The following ONECUT2 variants were observed in gnomAD, a reference collection of about 807,000 sequenced individuals.
ONECUT2 encodes one cut domain family member 2.
A neutral mutation model predicts 27.9 loss-of-function variants in ONECUT2; 10 were observed. The ratio of observed to expected loss-of-function variants is 0.36; its 90% CI spans 0.22 to 0.61. ONECUT2 has a LOEUF of 0.61. Among genes scored for constraint, ONECUT2 ranks in the 20% least tolerant of loss-of-function variants. The probability of loss-of-function intolerance (pLI) is 0.73; values close to 1 mark genes in which losing one functional copy is unlikely to be tolerated. For missense variants in ONECUT2, 686 were observed against 721.0 expected (o/e 0.95, Z 0.56); for synonymous variants, 334 against 315.1 (o/e 1.06, Z -0.64).
In ONECUT2 at chr18:57,485,739, A is replaced by G. The variant is rs2050434755; in HGVS notation, c.*9016A>G. 6.6e-6 allele frequency: 1 copy of G among 152,240 alleles called. No individual in the cohort carries two copies. The highest frequency in any genetic ancestry group is 6.5e-5 in the Admixed American group (1 of 15,284). The allele number at this position is 152,240 out of a possible 1,614,324, so 9.4% of individuals were successfully genotyped here. On this transcript the variant is annotated 3_prime_UTR_variant, in exon 2 of 2. Coordinates refer to ENST00000491143, the MANE Select transcript of ONECUT2 (RefSeq NM_004852.3). ...ACCAATCAACTCATCAGTTCCATGC[A>G]TCAACAAAGCATAGCTAGTAGAGGA...
intron 1 of ONECUT2, among the ~76,000 whole-genome samples, chr18:57,449,203 C>T (rs2050216443): frequency 6.6e-6 from 1 of 152,164 alleles, no homozygotes; most frequent in South Asian, 2.1e-4. Flanking sequence ...ACCATCCCTC[C>T]CTTTGCATTT....
intron 1 of ONECUT2, among the ~76,000 whole-genome samples, chr18:57,473,441 A>G (rs1015489933): frequency 1.3e-5 from 2 of 152,228 alleles, no homozygotes; most frequent in African/African-American, 4.8e-5. Context: ...AAGCCTCTCT[A>G]GAATTGAACA....
At chr18:57,471,394 C>G (rs2050352871) in intron 1 of ONECUT2, among the ~76,000 whole-genome samples, 1 of 152,210 alleles carries the variant, frequency 6.6e-6, no homozygotes, top group Admixed American at 6.5e-5. Flanking sequence ...GAGACATTCT[C>G]TCTCTCCAGG....
At chr18:57,440,867 T>C (rs543858312) in intron 1 of ONECUT2, among the ~76,000 whole-genome samples, 2 of 152,158 alleles carry the variant, frequency 1.3e-5, no homozygotes, top group African/African-American at 2.4e-5. Context: ...GCGGTTTAGT[T>C]AGGGATCAGA....
At chr18:57,437,297 A>G (rs2050148309) in intron 1 of ONECUT2, among the ~76,000 whole-genome samples, 1 of 151,706 alleles carries the variant, frequency 6.6e-6, no homozygotes, top group African/African-American at 2.4e-5. Flanking sequence ...GTTTTCCTCT[A>G]GGAGCCCTGT....
rs1166249596 is a variant in ONECUT2 at position 57,435,420 on chromosome 18, C to A, written c.-297C>A. Reference sequence around the variant, plus strand: ...CGCTCACCCAAACAGAAGACGTCGGCGCCGGAGCGGGCTCGGACATGGCGA... The same window carrying A: ...CGCTCACCCAAACAGAAGACGTCGGAGCCGGAGCGGGCTCGGACATGGCGA... On this transcript the variant is annotated 5_prime_UTR_variant, in exon 1 of 2. Transcript: ENST00000491143. 6.6e-6 allele frequency among the ~76,000 whole-genome samples: 1 copy of A among 151,760 alleles called. No homozygotes were observed. Among genetic ancestry groups the A allele is most frequent in the South Asian group, 2.1e-4 (1 of 4,822 alleles).
intron 1 of ONECUT2, among the ~76,000 whole-genome samples, chr18:57,456,933 A>AT (rs1262657326): frequency 6.6e-6 from 1 of 152,172 alleles, no homozygotes; most frequent in Non-Finnish European, 1.5e-5. Flanking sequence ...AGGCCCATCA[A>AT]TGTCCTCACT....
Position 57,486,878 on chromosome 18 carries a change from G to C in ONECUT2, c.*10155G>C, listed in dbSNP as rs1038187625. ...AACAATTAATTGTTCCGTGTTAACA[G>C]TGTAGTATTATGATTAGCAACTGCC... On this transcript the variant is annotated 3_prime_UTR_variant, in exon 2 of 2. Transcript: ENST00000491143. The C allele has an allele frequency of 2.0e-5, 3 of 152,628 alleles. No homozygotes were observed. The highest frequency in any genetic ancestry group is 2.9e-5 in the Non-Finnish European group (2 of 68,036). 9.5% of individuals were successfully genotyped at this position (152,628 alleles called of 1,614,324 possible). A position where few individuals can be genotyped will look rare whatever the true frequency, so the allele number is the denominator to read the frequency against.
At position 57,476,385 on chromosome 18, in the gene ONECUT2, AC is replaced by A. The variant is rs556729666; in HGVS notation, c.1229-50del. 2.8e-3 allele frequency: 4,435 copies of A among 1,569,132 alleles called. 11 individuals carry two copies. The highest frequency in any genetic ancestry group is 5.1e-3 in the Admixed American group (285 of 55,508). ...ACTTTGTCAATGTTTTCCATGGATC[AC>A]CTTCTCAGGTGAGCCCACTGACTCC... On this transcript the variant is annotated intron_variant, in intron 1 of 1. Coordinates refer to ENST00000491143, the MANE Select transcript of ONECUT2 (RefSeq NM_004852.3).
In ONECUT2 at chr18:57,476,484, CAGA is replaced by C. The variant is rs776639233; in HGVS notation, c.1282_1284del (p.Lys428del). 1.1e-5 allele frequency: 17 copies of C among 1,614,124 alleles called. No individual in the cohort carries two copies. The highest frequency in any genetic ancestry group is 4.4e-5 in the South Asian group (4 of 91,090). ...ACCAAACAAAGACAGGAACAATTCC[CAGA>C]AGAAGTCCCGCCTGGTGTTCACTGA... On this transcript the variant is annotated inframe_deletion, in exon 2 of 2. Transcript: ENST00000491143.
rs2050402174 is a variant in ONECUT2 at position 57,479,151 on chromosome 18, GCATCCTCTCCCGAGCCA to G, written c.*2431_*2447del. 6.6e-6 allele frequency: 1 copy of G among 152,502 alleles called. No homozygotes were observed. Among genetic ancestry groups the G allele is most frequent in the South Asian group, 2.1e-4 (1 of 4,828 alleles). 9.4% of individuals were successfully genotyped at this position (152,502 alleles called of 1,614,324 possible). ...GGTCAGGGATAGGGGTCTTGGTGAT[GCATCCTCTCCCGAGCCA>G]CAGAACCAAAGAGTTTATAGAGGAA... On this transcript the variant is annotated 3_prime_UTR_variant, in exon 2 of 2. Transcript: ENST00000491143.
chr18:57,440,545 T>C (rs1339565984), intron 1 of ONECUT2, among the ~76,000 whole-genome samples: 2 of 152,100 alleles, frequency 1.3e-5, no homozygotes, highest in Non-Finnish European at 2.9e-5. Flanking sequence ...GGCAGCAAGC[T>C]CCCAGCGGCC....
chr18:57,438,132 C>A (rs2050153673), intron 1 of ONECUT2, among the ~76,000 whole-genome samples: 1 of 152,240 alleles, frequency 6.6e-6, no homozygotes, highest in Non-Finnish European at 1.5e-5. Context: ...GTAGTTACTG[C>A]GACTGGCACG....
chr18:57,439,358 C>A (rs1401880715), intron 1 of ONECUT2, among the ~76,000 whole-genome samples: 1 of 152,172 alleles, frequency 6.6e-6, no homozygotes, highest in African/African-American at 2.4e-5. Flanking sequence ...CCTCCTCCAG[C>A]GAGTGGAAAA....
At chr18:57,462,573 T>G (rs1185177923) in intron 1 of ONECUT2, among the ~76,000 whole-genome samples, 5 of 152,026 alleles carry the variant, frequency 3.3e-5, no homozygotes, top group Non-Finnish European at 7.4e-5. Context: ...AATTGTTTTT[T>G]GTAGAGACAG....
rs2122173547 is a variant in ONECUT2 at position 57,490,637 on chromosome 18, G to A, written c.*13914G>A. On this transcript the variant is annotated 3_prime_UTR_variant, in exon 2 of 2. Transcript: ENST00000491143. ...ACCTGCCTTCCAGGTAGCTATTCTAGAAACTCAGTCCTTTGTGGAAACCCA... is the reference window on the plus strand; with the variant it reads ...ACCTGCCTTCCAGGTAGCTATTCTAAAAACTCAGTCCTTTGTGGAAACCCA... 1 of 152,228 alleles carries A rather than the reference G, an allele frequency of 6.6e-6. No individual in the cohort carries two copies. Among genetic ancestry groups the A allele is most frequent in the African/African-American group, 2.4e-5 (1 of 41,542 alleles). 9.4% of individuals were successfully genotyped at this position (152,228 alleles called of 1,614,324 possible).
chr18:57,435,859 G>A lies in ONECUT2; in HGVS notation c.143G>A (p.Gly48Asp), dbSNP rs1411334136. The change falls in exon 1 of 2, where the codon GGC becomes GAC. Residue 48 changes from glycine (G) to aspartate (D), a missense_variant. Physicochemically the swap from Gly to Asp is moderately conservative, Grantham distance 94. This residue lies in a region of ONECUT2 where 511 missense variants were observed against 488.1 expected (regional missense o/e 1.05). Coordinates refer to ENST00000491143, the MANE Select transcript of ONECUT2 (RefSeq NM_004852.3). ...GGSGGGGGGG[G>D]GGGGGGPGHE... is the part of the protein sequence containing the mutation. ...AGTGGCGGGGGCGGCGGCGGGGGCGGCGGGGGCGGCGGCGGGGGCCCGGGC... is the reference window on the plus strand; with the variant it reads ...AGTGGCGGGGGCGGCGGCGGGGGCGACGGGGGCGGCGGCGGGGGCCCGGGC... 2.0e-6 allele frequency: 2 copies of A among 1,007,336 alleles called. No homozygotes were observed. Among genetic ancestry groups the A allele is most frequent in the Non-Finnish European group, 1.2e-6 (1 of 843,260 alleles). The allele number at this position is 1,007,336 out of a possible 1,614,324, so 62.4% of individuals were successfully genotyped here.
At chr18:57,466,995 C>G (rs371478558) in intron 1 of ONECUT2, among the ~76,000 whole-genome samples, 4 of 152,244 alleles carry the variant, frequency 2.6e-5, no homozygotes, top group African/African-American at 9.6e-5. Context: ...CCTGAACCTT[C>G]CCCTGGGAGA....
chr18:57,437,491 C>T (rs1159147946), intron 1 of ONECUT2, among the ~76,000 whole-genome samples: 1 of 152,240 alleles, frequency 6.6e-6, no homozygotes, highest in Non-Finnish European at 1.5e-5. Flanking sequence ...TATAGGCAAA[C>T]TTATTTGGTC....
Sources: gnomAD v4.1 joint callset for allele counts (sites outside exome capture counted in the v4.1 genomes callset) on GRCh38, gnomAD v4.1.1 for gene constraint, gnomAD v4.1.1 regional missense constraint, MANE v1.5 for transcripts, NCBI Gene and HGNC (gene_info 2026-07-23, HGNC 2026-07-21) for gene names.